PIK3C2G: variants seen among roughly 807,000 people sequenced by gnomAD.
PIK3C2G encodes the protein phosphatidylinositol 3-kinase C2 domain-containing subunit gamma.
Under a neutral mutation model 181.1 loss-of-function variants are expected in PIK3C2G, and 168 were observed. The ratio of observed to expected loss-of-function variants is 0.93; its 90% confidence interval spans 0.82 to 1.05. The LOEUF is 1.05. Ranked by LOEUF, PIK3C2G falls within the 50% of genes least tolerant of loss-of-function variation. PIK3C2G has a pLI of 0.00. For missense variants in PIK3C2G, 1,869 were observed against 1,732.8 expected (o/e 1.08, Z -1.40); for synonymous variants, 573 against 592.2 (o/e 0.97, Z 0.47).
At chr12:18,433,175 G>C (rs569589074) in intron 18 of PIK3C2G, among the ~76,000 whole-genome samples, 1 of 152,276 alleles carries the variant, frequency 6.6e-6, no homozygotes, top group African/African-American at 2.4e-5. Flanking sequence ...GTAGATAGCA[G>C]ATTGTTTCCA....
At chr12:18,317,161 G>A (rs1442118396) in intron 6 of PIK3C2G, among the ~76,000 whole-genome samples, 3 of 151,482 alleles carry the variant, frequency 2.0e-5, no homozygotes, top group Admixed American at 6.6e-5. Flanking sequence ...TTGCAGGCAC[G>A]TGCCACCATG....
chr12:18,516,979 A>G (rs1293337820), intron 24 of PIK3C2G, among the ~76,000 whole-genome samples: 1 of 149,452 alleles, frequency 6.7e-6, no homozygotes, highest in African/African-American at 2.5e-5. Flanking sequence ...TTCTGTGTCC[A>G]TTATTGGAAC....
At position 18,282,240 on chromosome 12, in the gene PIK3C2G, C is replaced by CTA; in HGVS notation, c.160_161dup (p.Glu55ThrfsTer25). ...ATGAGATCAGTGGCAAAATTCCACA[C>CTA]TACGAGAGTGAAATTGATGAAAACA... On this transcript the variant is annotated frameshift_variant, in exon 2 of 33. Transcript: ENST00000538779. LOFTEE classifies it high-confidence loss of function. 1 of 1,613,658 alleles carries CTA rather than the reference C, an allele frequency of 6.2e-7. No individual in the cohort carries two copies. Among genetic ancestry groups the CTA allele is most frequent in the Non-Finnish European group, 8.5e-7 (1 of 1,179,714 alleles).
intron 24 of PIK3C2G, among the ~76,000 whole-genome samples, chr12:18,521,425 G>A (rs930415635): frequency 6.6e-6 from 1 of 152,230 alleles, no homozygotes; most frequent in Non-Finnish European, 1.5e-5. Flanking sequence ...GGAGATCAGA[G>A]TTCTGTCCCC....
At chr12:18,595,031 G>A (rs563601514) in intron 30 of PIK3C2G, among the ~76,000 whole-genome samples, 14 of 152,122 alleles carry the variant, frequency 9.2e-5, no homozygotes, top group Non-Finnish European at 2.1e-4. Flanking sequence ...TGTTTCAACA[G>A]TGATGAGTGA....
In PIK3C2G at chr12:18,375,188, G is replaced by A. The variant is rs115460821; in HGVS notation, c.1880+3877G>A. ...ATGAGAGAAAGTTTGGGATTTCTGA[G>A]AGACTAGTTAAATAGTTGTGGCCAA... On this transcript the variant is annotated intron_variant, in intron 13 of 32. Coordinates refer to ENST00000538779, the MANE Select transcript of PIK3C2G (RefSeq NM_001288772.2). 6.6e-3 allele frequency among the ~76,000 whole-genome samples: 1,008 copies of A among 152,276 alleles called. 10 individuals carry two copies. Among genetic ancestry groups the A allele is most frequent in the African/African-American group, 0.023 (970 of 41,556 alleles).
rs187701086 is a variant in PIK3C2G at position 18,264,744 on chromosome 12, C to G, written c.-79+3167C>G. The stretch of plus-strand genomic sequence containing the variant: ...GCTGTGTGAGCAGACAGGCTGAATT[C>G]TGATCTATTTTTCTGAATACTTTCT... On this transcript the variant is annotated intron_variant, in intron 1 of 32. Transcript: ENST00000538779. 1.1e-3 allele frequency among the ~76,000 whole-genome samples: 168 copies of G among 152,094 alleles called. 3 individuals are homozygous for G. Among genetic ancestry groups the G allele is most frequent in the Admixed American group, 8.8e-3 (134 of 15,274 alleles).
intron 18 of PIK3C2G, among the ~76,000 whole-genome samples, chr12:18,436,076 T>C (rs1316985201): frequency 6.6e-6 from 1 of 152,076 alleles, no homozygotes; most frequent in Admixed American, 6.6e-5. Flanking sequence ...AAGTTTATTA[T>C]TGCAGCAGCT....
At chr12:18,710,504 T>C in the PIK3C2G span, among the ~76,000 whole-genome samples, 1 of 151,974 alleles carries the variant, frequency 6.6e-6, no homozygotes, top group Non-Finnish European at 1.5e-5. Flanking sequence ...TCAGCTTTTA[T>C]TTTGAGTGAG....
intron 22 of PIK3C2G, 76 bp from the exon 23 acceptor site, chr12:18,503,204 AT>A (rs1489014989): frequency 1.5e-5 from 16 of 1,059,756 alleles, no homozygotes; most frequent in Non-Finnish European, 2.1e-5. Flanking sequence ...GCTGGAAGCT[AT>A]TGTTGTTATA....
chr12:18,689,360 C>A, the PIK3C2G span, among the ~76,000 whole-genome samples: 1 of 152,160 alleles, frequency 6.6e-6, no homozygotes, highest in Non-Finnish European at 1.5e-5. Context: ...GTCCAACCTG[C>A]GGGCCACATG....
At chr12:18,549,947 A>G (rs1329535039) in intron 26 of PIK3C2G, among the ~76,000 whole-genome samples, 19 of 151,564 alleles carry the variant, frequency 1.3e-4, no homozygotes, top group Non-Finnish European at 2.9e-5. Context: ...TTTTCTTCTC[A>G]GAGAAATATC....
intron 28 of PIK3C2G, among the ~76,000 whole-genome samples, chr12:18,566,202 C>A (rs1023829564): frequency 1.3e-5 from 2 of 152,156 alleles, no homozygotes; most frequent in East Asian, 1.9e-4. Context: ...CTGTCCTTTA[C>A]TATCCTCCAT....
chr12:18,545,972 C>T (rs1944401241), intron 25 of PIK3C2G, among the ~76,000 whole-genome samples: 2 of 151,794 alleles, frequency 1.3e-5, no homozygotes, highest in African/African-American at 4.8e-5. Flanking sequence ...GGTTAAGGAA[C>T]TTTCTCAAAA....
chr12:18,683,345 A>G, the PIK3C2G span: 1 of 1,606,698 alleles, frequency 6.2e-7, no homozygotes, highest in South Asian at 1.1e-5. Context: ...AATTATATCT[A>G]ATTAGACCAA....
At chr12:18,602,188 G>A (rs886089212) in intron 30 of PIK3C2G, among the ~76,000 whole-genome samples, 4 of 152,050 alleles carry the variant, frequency 2.6e-5, no homozygotes, top group Admixed American at 2.6e-4. Flanking sequence ...GACTGTTGCA[G>A]GGGGGCACGG....
intron 19 of PIK3C2G, among the ~76,000 whole-genome samples, chr12:18,490,575 C>A (rs1010070828): frequency 1.3e-5 from 2 of 152,106 alleles, no homozygotes; most frequent in African/African-American, 4.8e-5. Context: ...CTCTCGGTCT[C>A]CATTAGTTCA....
At chr12:18,426,265 G>A (rs1175467524) in intron 18 of PIK3C2G, among the ~76,000 whole-genome samples, 1 of 151,942 alleles carries the variant, frequency 6.6e-6, no homozygotes, top group Admixed American at 6.5e-5. Context: ...ATCTAACTTT[G>A]TGATAAGTGA....
At chr12:18,586,535 C>T (rs904221049) in intron 29 of PIK3C2G, among the ~76,000 whole-genome samples, 4 of 151,986 alleles carry the variant, frequency 2.6e-5, no homozygotes, top group Non-Finnish European at 4.4e-5. Context: ...AATTAATTCC[C>T]TAAACAGGCC....
Sources: allele counts gnomAD v4.1 joint callset (sites outside exome capture counted in the v4.1 genomes callset), GRCh38; gene constraint gnomAD v4.1.1; transcripts MANE v1.5; gene names NCBI Gene and HGNC (gene_info 2026-07-23, HGNC 2026-07-21).